SCN1A: variants seen among roughly 807,000 people sequenced by gnomAD.
SCN1A encodes the protein sodium voltage-gated channel alpha subunit 1.
In SCN1A, 13 loss-of-function variants were observed where a neutral mutation model predicts 193.7. The observed-to-expected ratio is 0.07, with a 90% confidence interval of 0.04 to 0.11. The LOEUF is 0.11. Among genes scored for constraint, SCN1A ranks in the 10% least tolerant of loss-of-function variants. The pLI is 1.00. For synonymous variants in SCN1A, 781 were observed against 843.6 expected (o/e 0.93, Z 1.29); for missense variants, 1,432 against 2,451.1 (o/e 0.58, Z 8.78).
chr2:166,097,499 TA>T, intron 2 of SCN1A, among the ~76,000 whole-genome samples: 1 of 152,154 alleles, frequency 6.6e-6, no homozygotes, highest in African/African-American at 2.4e-5. Flanking sequence ...GCTATATGTT[TA>T]AAAAAATGCT....
intron 23 of SCN1A, among the ~76,000 whole-genome samples, chr2:166,008,774 C>T (rs1258606568): frequency 6.6e-6 from 1 of 150,914 alleles, no homozygotes; most frequent in Admixed American, 6.6e-5. Flanking sequence ...AAAGTAACTA[C>T]ACCTTAGGAG....
intron 9 of SCN1A, among the ~76,000 whole-genome samples, chr2:166,051,083 A>C (rs910381407): frequency 1.3e-5 from 2 of 152,020 alleles, no homozygotes; most frequent in African/African-American, 4.8e-5. Flanking sequence ...TCCTTTCATT[A>C]TATCAATCAC....
At chr2:166,105,342 C>T (rs1688568209) in intron 2 of SCN1A, among the ~76,000 whole-genome samples, 2 of 152,170 alleles carry the variant, frequency 1.3e-5, no homozygotes, top group African/African-American at 2.4e-5. Flanking sequence ...GTAAATTAAA[C>T]CTTTGCCAAT....
chr2:166,129,154 T>C (rs759709248), upstream of SCN1A, among the ~76,000 whole-genome samples: 4 of 152,140 alleles, frequency 2.6e-5, no homozygotes, highest in Non-Finnish European at 5.9e-5. Flanking sequence ...ATTATAATTA[T>C]TCCTATTTAT....
Position 166,011,756 on chromosome 2 carries a change from G to A in SCN1A, c.3879+353C>T, listed in dbSNP as rs1183944573. On this transcript the variant is annotated intron_variant, in intron 22 of 28. Coordinates refer to ENST00000674923, the MANE Select transcript of SCN1A (RefSeq NM_001165963.4). The stretch of plus-strand genomic sequence containing the variant: ...AGTGGCACAAAATCAACAAGTGATG[G>A]TCCTGGGATACAAACTTGAGTCTGT... Among the ~76,000 whole-genome samples, 4 of 151,022 alleles carry A rather than the reference G, an allele frequency of 2.6e-5. No individual in the cohort carries two copies. The South Asian group carries it at 6.2e-4, about 24-fold the overall frequency.
chr2:166,128,406 TA>T (rs1420585808), upstream of SCN1A, among the ~76,000 whole-genome samples: 1 of 152,212 alleles, frequency 6.6e-6, no homozygotes, highest in African/African-American at 2.4e-5. Flanking sequence ...ATCTTATAAA[TA>T]AAACTGTCTT....
At chr2:166,006,228 T>G (rs1043965409) in intron 23 of SCN1A, among the ~76,000 whole-genome samples, 2 of 151,328 alleles carry the variant, frequency 1.3e-5, no homozygotes, top group Admixed American at 1.3e-4. Context: ...TAAAGAAGAA[T>G]AATAGAATCT....
chr2:166,088,658 A>G (rs913084749), intron 2 of SCN1A, among the ~76,000 whole-genome samples: 1 of 152,212 alleles, frequency 6.6e-6, no homozygotes, highest in Non-Finnish European at 1.5e-5. Flanking sequence ...ATTCCCAAAT[A>G]TATCTCACCT....
intron 2 of SCN1A, among the ~76,000 whole-genome samples, chr2:166,084,760 C>T (rs773210694): frequency 1.3e-5 from 2 of 152,078 alleles, no homozygotes; most frequent in Non-Finnish European, 2.9e-5. Flanking sequence ...ACGCACCTGA[C>T]AGCAATAATT....
intron 2 of SCN1A, among the ~76,000 whole-genome samples, chr2:166,113,925 T>A (rs2106208871): frequency 6.6e-6 from 1 of 152,332 alleles, no homozygotes; most frequent in South Asian, 2.1e-4. Flanking sequence ...CACTCTAATG[T>A]TACCTTGGTT....
chr2:166,115,167 G>T (rs1689713527), intron 2 of SCN1A, among the ~76,000 whole-genome samples: 2 of 152,156 alleles, frequency 1.3e-5, no homozygotes, highest in East Asian at 3.9e-4. Context: ...AGACCAGCCT[G>T]GTCAACATGA....
chr2:166,038,006 C>T lies in SCN1A; in HGVS notation c.2716G>A (p.Val906Met), dbSNP rs185760342. 3.3e-5 allele frequency: 53 copies of T among 1,614,178 alleles called. No individual in the cohort carries two copies. The highest frequency in any genetic ancestry group is 6.7e-5 in the Admixed American group (4 of 60,022). The change falls in exon 18 of 29, where the codon GTG (valine) becomes ATG (methionine). Residue 906 changes from valine to methionine, a missense_variant. Physicochemically the swap from Val to Met is conservative, Grantham distance 21 (BLOSUM62 1). This residue lies in a region of SCN1A where 93 missense variants were observed against 260.4 expected (regional missense o/e 0.36). Coordinates refer to ENST00000674923, the MANE Select transcript of SCN1A (RefSeq NM_001165963.4). The part of the protein sequence containing the change: ...VLAIIVFIFA[V>M]VGMQLFGKSY... Reference sequence around the variant, plus strand: ...TTACCAAAGAGCTGCATGCCGACCACGGCAAAAATGAAGACGATGATGGCC... The same window carrying T: ...TTACCAAAGAGCTGCATGCCGACCATGGCAAAAATGAAGACGATGATGGCC...
intron 19 of SCN1A, chr2:166,016,072 G>C (rs1693257728): frequency 3.6e-6 from 1 of 280,530 alleles, no homozygotes; most frequent in Non-Finnish European, 6.9e-6. Flanking sequence ...GAGCAGGAGA[G>C]AAAGAGAAAG....
chr2:166,039,335 T>C, intron 17 of SCN1A, 88 bp downstream of exon 17: 2 of 1,339,890 alleles, frequency 1.5e-6, no homozygotes, highest in Non-Finnish European at 2.1e-6. Context: ...CTAATGGTTG[T>C]GTGGCAAAAA....
chr2:166,012,344 A>T (rs1692600867), intron 21 of SCN1A, 62 bp from the exon 22 acceptor site: 1 of 1,331,392 alleles, frequency 7.5e-7, no homozygotes, highest in Non-Finnish European at 1.1e-6. Flanking sequence ...TAAGCTATTT[A>T]AAAAATTAAT....
At chr2:165,994,078 A>G (rs889424162) in intron 28 of SCN1A, 68 bp downstream of exon 28, 2 of 1,220,984 alleles carry the variant, frequency 1.6e-6, no homozygotes, top group African/African-American at 3.0e-5. Context: ...ATGATCTTGA[A>G]TCTAATCTTG....
At chr2:166,023,836 C>T (rs1329456160) in intron 19 of SCN1A, among the ~76,000 whole-genome samples, 7 of 151,664 alleles carry the variant, frequency 4.6e-5, no homozygotes, top group South Asian at 4.2e-4. Flanking sequence ...AGTGCAATGG[C>T]GCAATCTCGG....
At chr2:166,103,027 G>A (rs1382539637) in intron 2 of SCN1A, among the ~76,000 whole-genome samples, 1 of 151,818 alleles carries the variant, frequency 6.6e-6, no homozygotes, top group Admixed American at 6.6e-5. Flanking sequence ...AATTGTTTTT[G>A]AGCTGCCTAT....
chr2:166,051,634 A>G (rs1698561792), intron 9 of SCN1A, 85 bp downstream of exon 9: 1 of 1,074,382 alleles, frequency 9.3e-7, no homozygotes, highest in Non-Finnish European at 1.4e-6. Context: ...AAAATGGGAT[A>G]TCCAGCCCCT....
Sources: gnomAD v4.1 joint callset for allele counts (sites outside exome capture counted in the v4.1 genomes callset) on GRCh38, gnomAD v4.1.1 for gene constraint, gnomAD v4.1.1 regional missense constraint, MANE v1.5 for transcripts, NCBI Gene and HGNC (gene_info 2026-07-23, HGNC 2026-07-21) for gene names.